Variants in SDK1 observed in about 807,000 individuals in gnomAD.
SDK1 encodes protein sidekick-1.
A neutral mutation model predicts 245.5 loss-of-function variants in SDK1; 157 were observed. That is an observed-to-expected ratio of 0.64 (90% CI 0.56 to 0.73). The LOEUF (loss-of-function observed/expected upper bound fraction) is 0.73, where lower values mean the gene tolerates loss of function less well. Ranked by LOEUF, SDK1 falls within the 30% of genes least tolerant of loss-of-function variation. The pLI is 0.00. For synonymous variants in SDK1, 1,647 were observed against 1,278.5 expected, an observed-to-expected ratio of 1.29 and a Z score of -6.15; for missense variants, 3,583 against 3,002.3, an observed-to-expected ratio of 1.19 and a Z score of -4.52.
chr7:4,054,785 T>C (rs1370498411), intron 19 of SDK1, among the ~76,000 whole-genome samples: 1 of 152,196 alleles, frequency 6.6e-6, no homozygotes, highest in Admixed American at 6.5e-5. Context: ...TCACTATTGC[T>C]AATTGGTTCT....
At position 3,987,274 on chromosome 7, in the gene SDK1, G is replaced by A. The variant is rs748321155; in HGVS notation, c.2083G>A (p.Asp695Asn). ...GGTGCTCTCTTGGGTCCGGCCCTTT[G>A]ATGGAAACAGTCCTATTCTTTATTA... ...AVVLSWVRPF[D>N]GNSPILYYIV... Residue 695 changes from aspartate to asparagine, a missense_variant, in exon 14 of 45, where the codon GAT (aspartate) becomes AAT (asparagine). By Grantham distance (23) the Asp-to-Asn change is conservative. Coordinates refer to ENST00000404826, the MANE Select transcript of SDK1 (RefSeq NM_152744.4). 8.1e-6 allele frequency: 13 copies of A among 1,614,028 alleles called. No individual in the cohort carries two copies. The African/African-American group carries it at 1.5e-4, about 18-fold the overall frequency.
intron 1 of SDK1, among the ~76,000 whole-genome samples, chr7:3,489,154 T>C (rs1781793470): frequency 1.3e-5 from 2 of 151,904 alleles, no homozygotes; most frequent in Admixed American, 6.6e-5. Context: ...AGAATCAGAG[T>C]TCTCACTGAA....
intron 4 of SDK1, among the ~76,000 whole-genome samples, chr7:3,655,487 ATATATATATATATATATGTATG>A (rs1562634380): frequency 4.2e-5 from 3 of 72,014 alleles, no homozygotes; most frequent in Non-Finnish European, 9.9e-5. Flanking sequence ...ATATATATAT[ATATATATATATATATATGTATG>A]TATGTATATA....
At chr7:3,333,502 A>C (rs1016177912) in intron 1 of SDK1, among the ~76,000 whole-genome samples, 13 of 152,158 alleles carry the variant, frequency 8.5e-5, no homozygotes, top group Admixed American at 8.5e-4. Context: ...ATCTCTGACT[A>C]CTTGTATGTT....
chr7:4,168,583 G>T (rs917692481), intron 32 of SDK1, among the ~76,000 whole-genome samples: 1 of 152,070 alleles, frequency 6.6e-6, no homozygotes, highest in African/African-American at 2.4e-5. Context: ...TCCAGCCTTC[G>T]TCACGCCACC....
At chr7:3,412,081 A>G (rs1176942923) in intron 1 of SDK1, among the ~76,000 whole-genome samples, 1 of 152,230 alleles carries the variant, frequency 6.6e-6, no homozygotes, top group Non-Finnish European at 1.5e-5. Flanking sequence ...GGCGTGTTTA[A>G]ATAAGCTGGT....
chr7:3,591,877 T>C lies in SDK1; in HGVS notation c.299-27203T>C, dbSNP rs989411334. Among the ~76,000 whole-genome samples, 4 of 152,308 alleles carry C rather than the reference T, an allele frequency of 2.6e-5. No individual in the cohort carries two copies. The South Asian group carries it at 8.3e-4, about 32-fold the overall frequency. Reference sequence around the variant, plus strand: ...AAACTTTGAGTGCATAAGGATCAGATACAGGGAACCTGGGGTGGTGTCTGA... The same window carrying C: ...AAACTTTGAGTGCATAAGGATCAGACACAGGGAACCTGGGGTGGTGTCTGA... On this transcript the variant is annotated intron_variant, in intron 1 of 44. Coordinates refer to ENST00000404826, the MANE Select transcript of SDK1 (RefSeq NM_152744.4).
intron 3 of SDK1, among the ~76,000 whole-genome samples, chr7:3,640,879 TCACCATGTTGGCCAGGC>T (rs1215129035): frequency 6.6e-6 from 1 of 152,108 alleles, no homozygotes; most frequent in Non-Finnish European, 1.5e-5. Context: ...AGATCGGGCT[TCACCATGTTGGCCAGGC>T]TGGTGTCAAA....
intron 1 of SDK1, among the ~76,000 whole-genome samples, chr7:3,484,142 A>G (rs978970525): frequency 1.3e-5 from 2 of 152,194 alleles, no homozygotes; most frequent in African/African-American, 4.8e-5. Context: ...GGTCCCCTGT[A>G]TAACCAAAAT....
At chr7:4,053,997 G>C (rs188084253) in intron 19 of SDK1, among the ~76,000 whole-genome samples, 1,851 of 152,070 alleles carry the variant, frequency 0.012, 19 homozygotes, top group Non-Finnish European at 0.018. Flanking sequence ...GGAGTGCAGT[G>C]GTGCAATCTT....
chr7:4,068,797 C>T (rs1448643560), intron 20 of SDK1, among the ~76,000 whole-genome samples: 1 of 151,970 alleles, frequency 6.6e-6, no homozygotes, highest in Non-Finnish European at 1.5e-5. Context: ...TCTCGGCTCA[C>T]TGCAACCTCC....
At chr7:3,916,111 C>G (rs575547334) in intron 5 of SDK1, among the ~76,000 whole-genome samples, 1 of 151,954 alleles carries the variant, frequency 6.6e-6, no homozygotes, top group African/African-American at 2.4e-5. Context: ...TTTGGAACTT[C>G]AGTATTTAGA....
At chr7:3,998,506 A>G (rs1046994722) in intron 14 of SDK1, among the ~76,000 whole-genome samples, 2 of 152,150 alleles carry the variant, frequency 1.3e-5, no homozygotes, top group Non-Finnish European at 2.9e-5. Flanking sequence ...AAATACCCCT[A>G]CGTTTATGTG....
intron 12 of SDK1, among the ~76,000 whole-genome samples, chr7:3,974,131 C>G (rs1427525096): frequency 4.2e-5 from 6 of 141,698 alleles, no homozygotes; most frequent in Non-Finnish European, 9.0e-5. Flanking sequence ...CTGCAGTGGG[C>G]CAAGATCATG....
intron 5 of SDK1, among the ~76,000 whole-genome samples, chr7:3,839,447 A>C (rs1029585865): frequency 6.6e-6 from 1 of 152,190 alleles, no homozygotes. Context: ...TTGATGATAA[A>C]TCACTGAGTG....
chr7:3,838,216 A>T (rs1222539951), intron 5 of SDK1, among the ~76,000 whole-genome samples: 1 of 152,204 alleles, frequency 6.6e-6, no homozygotes, highest in Non-Finnish European at 1.5e-5. Flanking sequence ...AGCAATCCGG[A>T]TTAATTCATC....
intron 1 of SDK1, among the ~76,000 whole-genome samples, chr7:3,589,029 A>T (rs961405260): frequency 6.6e-6 from 1 of 152,244 alleles, no homozygotes; most frequent in Non-Finnish European, 1.5e-5. Context: ...TTGTATTCAT[A>T]TTAGATCAAT....
At chr7:3,665,240 A>G (rs899489881) in intron 4 of SDK1, among the ~76,000 whole-genome samples, 2 of 152,206 alleles carry the variant, frequency 1.3e-5, no homozygotes, top group African/African-American at 4.8e-5. Flanking sequence ...GCAGTCCACT[A>G]TCATCCCCAC....
intron 30 of SDK1, among the ~76,000 whole-genome samples, chr7:4,156,481 A>T (rs937348804): frequency 6.6e-6 from 1 of 152,132 alleles, no homozygotes; most frequent in African/African-American, 2.4e-5. Flanking sequence ...CTGAGTGCAG[A>T]GGGTCTGAGA....
Sources: gnomAD v4.1 joint callset for allele counts (sites outside exome capture counted in the v4.1 genomes callset) on GRCh38, gnomAD v4.1.1 for gene constraint, MANE v1.5 for transcripts, NCBI Gene and HGNC (gene_info 2026-07-23, HGNC 2026-07-21) for gene names.